The following SPSB1 variants were observed in gnomAD, a reference collection of about 807,000 sequenced individuals.
SPSB1 encodes the protein splA/ryanodine receptor domain and SOCS box containing 1.
In SPSB1, 8 loss-of-function variants were observed where a neutral mutation model predicts 21.2. The observed-to-expected ratio is 0.38, with a 90% CI of 0.22 to 0.68. The LOEUF is 0.68. Among genes scored for constraint, SPSB1 ranks in the 30% least tolerant of loss-of-function variants. SPSB1 has a pLI of 0.53. For synonymous variants in SPSB1, 169 were observed against 161.7 expected (o/e 1.05, Z -0.34); for missense variants, 242 against 377.8 (o/e 0.64, Z 2.98).
At chr1:9,322,607 C>A (rs1290728194) in intron 1 of SPSB1, among the ~76,000 whole-genome samples, 1 of 152,140 alleles carries the variant, frequency 6.6e-6, no homozygotes, top group African/African-American at 2.4e-5. Context: ...GAAGTGGCAT[C>A]GTTGCGGACA....
At position 9,293,786 on chromosome 1, in the gene SPSB1, T is replaced by A. The variant is rs966094445; in HGVS notation, c.-150+715T>A. On this transcript the variant is annotated intron_variant, in intron 1 of 2. Transcript: ENST00000328089. The surrounding 1 kb of genome is among the most constrained non-coding windows in gnomAD (Gnocchi z 5.1). ...GGGCTCGGTGGCGTCCAGGTTCCGG[T>A]GAGGACGGGACGGCCCCGAGAGGAG... is the stretch of plus-strand genomic sequence containing the variant. Among the ~76,000 whole-genome samples, 5 of 151,544 alleles carry A rather than the reference T, an allele frequency of 3.3e-5. No individual in the cohort carries two copies. Among genetic ancestry groups the A allele is most frequent in the Admixed American group, 6.6e-5 (1 of 15,246 alleles).
intron 1 of SPSB1, among the ~76,000 whole-genome samples, chr1:9,332,793 T>A (rs1315799901): frequency 6.6e-6 from 1 of 152,116 alleles, no homozygotes; most frequent in East Asian, 1.9e-4. Flanking sequence ...TTTGGGCCCG[T>A]TCAATTTATC....
rs1640510730 is a variant in SPSB1, at chr1:9,363,509, T to C, written c.695-3939T>C. 6.6e-6 allele frequency among the ~76,000 whole-genome samples: 1 copy of C among 152,024 alleles called. No homozygotes were observed. The highest frequency in any genetic ancestry group is 1.5e-5 in the Non-Finnish European group (1 of 68,016). ...GCCTCATCCCTTTGGAGTCCATGGC[T>C]CTCAGACCTTGGACCTGTAACTCTC... On this transcript the variant is annotated intron_variant, in intron 2 of 2. Coordinates refer to ENST00000328089, the MANE Select transcript of SPSB1 (RefSeq NM_025106.4). This position sits in a 1 kb window ranked among gnomAD's most constrained non-coding sequence, Gnocchi z 4.5.
Position 9,356,174 on chromosome 1 carries a change from C to G in SPSB1, c.283C>G (p.Arg95Gly), listed in dbSNP as rs1256143862. Reference sequence around the variant, plus strand: ...TATCAGGGGCAAAGTCGGGTATACCCGTGGGCTGCACGTGTGGCAGATCAC... The same window carrying G: ...TATCAGGGGCAAAGTCGGGTATACCGGTGGGCTGCACGTGTGGCAGATCAC... ...DAIRGKVGYT[R>G]GLHVWQITWA... The change falls in exon 2 of 3, where the codon CGT (arginine) becomes GGT (glycine). Residue 95 changes from arginine to glycine, a missense_variant. Arg to Gly is a moderately radical substitution (Grantham distance 125). Coordinates refer to ENST00000328089, the MANE Select transcript of SPSB1 (RefSeq NM_025106.4). The surrounding 1 kb of genome is among the most constrained non-coding windows in gnomAD (Gnocchi z 7.4). 1.9e-6 allele frequency: 3 copies of G among 1,586,744 alleles called. No homozygotes were observed. Among genetic ancestry groups the G allele is most frequent in the Non-Finnish European group, 2.6e-6 (3 of 1,164,218 alleles).
chr1:9,363,744 G>A lies in SPSB1; in HGVS notation c.695-3704G>A, dbSNP rs951914488. The stretch of plus-strand genomic sequence containing the variant: ...AGATGGAGTCTCATTCTGTCACCCA[G>A]GCTGTAGTGCAGTGGCGCAATCTCA... On this transcript the variant is annotated intron_variant, in intron 2 of 2. Coordinates refer to ENST00000328089, the MANE Select transcript of SPSB1 (RefSeq NM_025106.4). This position sits in a 1 kb window ranked among gnomAD's most constrained non-coding sequence, Gnocchi z 4.5. Among the ~76,000 whole-genome samples the A allele has an allele frequency of 6.6e-6, 1 of 151,878 alleles. No individual in the cohort carries two copies. The highest frequency in any genetic ancestry group is 2.4e-5 in the African/African-American group (1 of 41,322).
Position 9,324,079 on chromosome 1 carries a change from C to G in SPSB1, c.-150+31008C>G, listed in dbSNP as rs894419645. On this transcript the variant is annotated intron_variant, in intron 1 of 2. Transcript: ENST00000328089. The surrounding 1 kb of genome is among the most constrained non-coding windows in gnomAD (Gnocchi z 4.3). ...AGCCTGGTTGCTCTGAGCCTGGTTG[C>G]TCTGTCATGGCCCCACCTTTTTTCC... Among the ~76,000 whole-genome samples, 1 of 152,196 alleles carries G rather than the reference C, an allele frequency of 6.6e-6. No homozygotes were observed. Among genetic ancestry groups the G allele is most frequent in the Non-Finnish European group, 1.5e-5 (1 of 68,042 alleles).
chr1:9,293,007 G>T lies in SPSB1; in HGVS notation c.-214G>T, dbSNP rs1284321719. Reference sequence around the variant, plus strand: ...GGCGACTTCGCTCCCTGCGGCGGGCGCGGCCCGGGCGCCCGAGCCTCCTCG... The same window carrying T: ...GGCGACTTCGCTCCCTGCGGCGGGCTCGGCCCGGGCGCCCGAGCCTCCTCG... On this transcript the variant is annotated 5_prime_UTR_variant, in exon 1 of 3. Coordinates refer to ENST00000328089, the MANE Select transcript of SPSB1 (RefSeq NM_025106.4). This position sits in a 1 kb window ranked among gnomAD's most constrained non-coding sequence, Gnocchi z 5.1. The T allele has an allele frequency of 1.0e-6, 1 of 981,414 alleles. No individual in the cohort carries two copies. Among genetic ancestry groups the T allele is most frequent in the East Asian group, 1.2e-4 (1 of 8,678 alleles). The allele number at this position is 981,414 out of a possible 1,614,324, so 60.8% of individuals were successfully genotyped here.
At chr1:9,320,170 A>G (rs890774421) in intron 1 of SPSB1, among the ~76,000 whole-genome samples, 4 of 152,104 alleles carry the variant, frequency 2.6e-5, no homozygotes, top group African/African-American at 9.7e-5. Flanking sequence ...TTCCTCCTAA[A>G]TTTGCATGGC....
rs1639641616 is a variant in SPSB1 at position 9,317,928 on chromosome 1, G to T, written c.-150+24857G>T. On this transcript the variant is annotated intron_variant, in intron 1 of 2. Transcript: ENST00000328089. This position sits in a 1 kb window ranked among gnomAD's most constrained non-coding sequence, Gnocchi z 4.3. ...CCTTGGCACACCATTCGCTCCGCGAGTTTGTTAAGGGCCCCTGTGTGCCAG... is the reference window on the plus strand; with the variant it reads ...CCTTGGCACACCATTCGCTCCGCGATTTTGTTAAGGGCCCCTGTGTGCCAG... Among the ~76,000 whole-genome samples the T allele has an allele frequency of 6.6e-6, 1 of 151,680 alleles. No homozygotes were observed. Among genetic ancestry groups the T allele is most frequent in the Non-Finnish European group, 1.5e-5 (1 of 67,986 alleles).
At chr1:9,323,799 C>G (rs1473385580) in intron 1 of SPSB1, among the ~76,000 whole-genome samples, 1 of 152,178 alleles carries the variant, frequency 6.6e-6, no homozygotes, top group Non-Finnish European at 1.5e-5. Flanking sequence ...TTTCCAGGGT[C>G]ATGAGGAATA....
intron 1 of SPSB1, among the ~76,000 whole-genome samples, chr1:9,350,485 A>G (rs1468077043): frequency 6.6e-6 from 1 of 152,250 alleles, no homozygotes; most frequent in African/African-American, 2.4e-5. Context: ...GCCGCCGGCC[A>G]GGGCACTGCC....
At chr1:9,335,067 A>G (rs1420631526) in intron 1 of SPSB1, among the ~76,000 whole-genome samples, 1 of 152,040 alleles carries the variant, frequency 6.6e-6, no homozygotes, top group African/African-American at 2.4e-5. Flanking sequence ...CCAGAAGTGG[A>G]TTTTCTAGGT....
intron 1 of SPSB1, among the ~76,000 whole-genome samples, chr1:9,332,895 G>A (rs991851532): frequency 2.0e-5 from 3 of 152,220 alleles, no homozygotes; most frequent in African/African-American, 4.8e-5. Flanking sequence ...GTGCGTAGAG[G>A]GTGACGGAGA....
chr1:9,359,393 C>T (rs1234446950), intron 2 of SPSB1, among the ~76,000 whole-genome samples: 1 of 152,168 alleles, frequency 6.6e-6, no homozygotes, highest in African/African-American at 2.4e-5. Context: ...ATTGAGGCAG[C>T]ATCTTGTGTC....
At chr1:9,294,894 C>G (rs1639192294) in intron 1 of SPSB1, among the ~76,000 whole-genome samples, 1 of 152,124 alleles carries the variant, frequency 6.6e-6, no homozygotes, top group Non-Finnish European at 1.5e-5. Context: ...GGTGGTCTCT[C>G]CACACTGAGG....
chr1:9,318,435 C>T (rs1463428525), intron 1 of SPSB1, among the ~76,000 whole-genome samples: 1 of 152,206 alleles, frequency 6.6e-6, no homozygotes, highest in African/African-American at 2.4e-5. Flanking sequence ...CTATCGCCCA[C>T]GAAGCCCCCC....
intron 1 of SPSB1, among the ~76,000 whole-genome samples, chr1:9,352,960 G>GA (rs934161739): frequency 1.3e-5 from 2 of 151,862 alleles, no homozygotes; most frequent in Non-Finnish European, 2.9e-5. Flanking sequence ...GAGCGGCAGG[G>GA]GGGCTGTGGA....
At chr1:9,349,291 G>A (rs1057382572) in intron 1 of SPSB1, among the ~76,000 whole-genome samples, 7 of 152,292 alleles carry the variant, frequency 4.6e-5, no homozygotes, top group African/African-American at 1.2e-4. Context: ...CAGCCCTCCC[G>A]TGCATGAGAC....
At chr1:9,341,366 C>T (rs1293949983) in intron 1 of SPSB1, among the ~76,000 whole-genome samples, 5 of 152,234 alleles carry the variant, frequency 3.3e-5, no homozygotes, top group Non-Finnish European at 7.3e-5. Context: ...TCCCCTGAAG[C>T]TTGCACTCAT....
Sources: gnomAD v4.1 joint callset for allele counts (sites outside exome capture counted in the v4.1 genomes callset) on GRCh38, gnomAD v4.1.1 for gene constraint, Gnocchi (gnomAD v3.1) non-coding constraint, MANE v1.5 for transcripts, NCBI Gene and HGNC (gene_info 2026-07-23, HGNC 2026-07-21) for gene names.